The following SF3B3 variants were observed in gnomAD, a reference collection of about 807,000 sequenced individuals.
SF3B3 encodes the protein SAP 130.
Under a neutral mutation model 139.2 loss-of-function variants are expected in SF3B3, and 33 were observed. That is an observed-to-expected ratio of 0.24 (90% CI 0.18 to 0.32). SF3B3 has a LOEUF of 0.32. SF3B3 is among the 10% of genes least tolerant of loss of function. The pLI, the probability that SF3B3 is intolerant of heterozygous loss-of-function variation, is 1.00. For missense variants in SF3B3, 818 were observed against 1,509.4 expected (o/e 0.54, Z 7.59); for synonymous variants, 596 against 563.6 (o/e 1.06, Z -0.81).
intron 4 of SF3B3, 77 bp from the exon 5 acceptor site, chr16:70,532,402 A>AAATTGGAG: frequency 8.5e-7 from 1 of 1,182,344 alleles, no homozygotes; most frequent in Admixed American, 2.2e-5. Context: ...CCTCATTTGT[A>AAATTGGAG]AATTGGAGTC....
chr16:70,561,657 T>C lies in SF3B3; in HGVS notation c.2161T>C (p.Leu721=), dbSNP rs769827257. 86 of 1,613,932 alleles carry C rather than the reference T, an allele frequency of 5.3e-5. No homozygotes were observed. The highest frequency in any genetic ancestry group is 7.1e-5 in the Non-Finnish European group (84 of 1,179,948). ...ATTGGCCATGTCAAGCCGCTCATGGTTGAGCTATTCTTACCAATCTCGCTT... is the reference window on the plus strand; with the variant it reads ...ATTGGCCATGTCAAGCCGCTCATGGCTGAGCTATTCTTACCAATCTCGCTT... The part of the protein sequence containing the change: ...AVLAMSSRSW[L]SYSYQSRFHL... Residue 721 remains leucine (L), a synonymous_variant, in exon 17 of 26, where the codon TTG becomes CTG. Coordinates refer to ENST00000302516, the MANE Select transcript of SF3B3 (RefSeq NM_012426.5).
intron 5 of SF3B3, among the ~76,000 whole-genome samples, chr16:70,533,342 A>T (rs1050798646): frequency 5.4e-5 from 8 of 149,498 alleles, no homozygotes; most frequent in African/African-American, 1.2e-4. Context: ...AGTAAATATT[A>T]AAAAAAAAAG....
Position 70,573,883 on chromosome 16 carries a change from T to A in SF3B3, c.*2070T>A, listed in dbSNP as rs984158835. 1.3e-5 allele frequency: 2 copies of A among 152,260 alleles called. No homozygotes were observed. Among genetic ancestry groups the A allele is most frequent in the African/African-American group, 4.8e-5 (2 of 41,468 alleles). The allele number at this position is 152,260 out of a possible 1,614,324, so 9.4% of individuals were successfully genotyped here. ...TGCCTCAGCTTTCCCCTGACCTTAC[T>A]GGCAGAGGTTCTGCAGATGTTTCCT... is the stretch of plus-strand genomic sequence containing the variant. On this transcript the variant is annotated 3_prime_UTR_variant, in exon 26 of 26. Transcript: ENST00000302516.
intron 21 of SF3B3, among the ~76,000 whole-genome samples, chr16:70,567,852 A>T (rs1236487189): frequency 2.0e-5 from 3 of 151,958 alleles, no homozygotes; most frequent in Non-Finnish European, 4.4e-5. Context: ...CGCCTGGCAA[A>T]TTTTTTGTAT....
intron 20 of SF3B3, among the ~76,000 whole-genome samples, chr16:70,566,335 G>A (rs2050476332): frequency 6.6e-6 from 1 of 151,908 alleles, no homozygotes; most frequent in Admixed American, 6.6e-5. Flanking sequence ...GGCCGAGGTG[G>A]GCGGGTCACC....
At chr16:70,548,657 G>A (rs534953859) in intron 11 of SF3B3, 13 of 542,774 alleles carry the variant, frequency 2.4e-5, no homozygotes, top group Non-Finnish European at 4.3e-5. Context: ...ACATAGGTTG[G>A]CTGTTATATT....
At position 70,528,467 on chromosome 16, in the gene SF3B3, T is replaced by A. The variant is rs1329413535; in HGVS notation, c.71-406T>A. On this transcript the variant is annotated intron_variant, in intron 2 of 25. Transcript: ENST00000302516. Reference sequence around the variant, plus strand: ...GGTGTGAGCCACTGTGCGTGGCCTTTTTTTTTTTTTTTTTTTTTTTTAGAG... The same window carrying A: ...GGTGTGAGCCACTGTGCGTGGCCTTATTTTTTTTTTTTTTTTTTTTTAGAG... Among the ~76,000 whole-genome samples, 3 of 35,198 alleles carry A rather than the reference T, an allele frequency of 8.5e-5. No individual in the cohort carries two copies. The East Asian group carries it at 3.1e-3, about 36-fold the overall frequency. The allele number at this position is 35,198 out of a possible 152,430, so 23.1% of individuals were successfully genotyped here.
Position 70,529,201 on chromosome 16 carries a change from T to TA in SF3B3, c.397+4dup, listed in dbSNP as rs758017772. The stretch of plus-strand genomic sequence containing the variant: ...CCAAAGGGCGAGCCGTTATGATTAG[T>TA]AAGTGATTTACTCTACTTGCTGTAT... On this transcript the variant is annotated splice_region_variant and intron_variant, in intron 3 of 25. Transcript: ENST00000302516. 1 of 1,609,462 alleles carries TA rather than the reference T, an allele frequency of 6.2e-7. No individual in the cohort carries two copies. Among genetic ancestry groups the TA allele is most frequent in the East Asian group, 2.2e-5 (1 of 44,844 alleles).
chr16:70,533,803 C>T (rs1320379783), intron 5 of SF3B3, among the ~76,000 whole-genome samples: 1 of 151,988 alleles, frequency 6.6e-6, no homozygotes, highest in African/African-American at 2.4e-5. Context: ...ACAGCACTTA[C>T]CTTTGTTAAT....
chr16:70,571,805 G>A lies in SF3B3; in HGVS notation c.3646G>A (p.Ala1216Thr), dbSNP rs769036151. Reference protein sequence around the residue: ...KKLEDIRTRYAF With the variant: ...KKLEDIRTRYTF ...ACTCGAGGATATCCGGACCCGCTAC[G>A]CCTTCTGAGCCCTCCTTTCCCGGTG... The change falls in exon 26 of 26, where the codon GCC (alanine) becomes ACC (threonine). Residue 1216 changes from alanine (A) to threonine (T), a missense_variant. Transcript: ENST00000302516. The A allele has an allele frequency of 6.2e-7, 1 of 1,611,654 alleles. No homozygotes were observed.
intron 1 of SF3B3, 34 bp from the exon 2 acceptor site, chr16:70,526,553 C>T (rs1597702868): frequency 2.7e-6 from 2 of 737,862 alleles, no homozygotes; most frequent in East Asian, 5.2e-5. Flanking sequence ...AAGTAATAGT[C>T]TCCCAGCTAT....
At chr16:70,562,058 GGGTATTGCCATT>G (rs2050433905) in intron 17 of SF3B3, among the ~76,000 whole-genome samples, 1 of 152,166 alleles carries the variant, frequency 6.6e-6, no homozygotes, top group Non-Finnish European at 1.5e-5. Context: ...TCTAGCAAAA[GGGTATTGCCATT>G]GGATTAGTTT....
chr16:70,530,765 T>C lies in SF3B3; in HGVS notation c.418T>C (p.Leu140=), dbSNP rs2050113988. The change falls in exon 4 of 26, where the codon TTG becomes CTG. Residue 140 remains leucine, a synonymous_variant. Coordinates refer to ENST00000302516, the MANE Select transcript of SF3B3 (RefSeq NM_012426.5). Reference sequence around the variant, plus strand: ...TACAGGTGCCATTGAGAAACAGAAATTGGTGTATATTTTGAACAGAGATGC... The same window carrying C: ...TACAGGTGCCATTGAGAAACAGAAACTGGTGTATATTTTGAACAGAGATGC... ...VMISAIEKQK[L]VYILNRDAAA... is the part of the protein sequence containing the mutation. The C allele has an allele frequency of 6.2e-7, 1 of 1,611,348 alleles. No homozygotes were observed. Among genetic ancestry groups the C allele is most frequent in the African/African-American group, 1.3e-5 (1 of 74,772 alleles).
In SF3B3 at chr16:70,555,500, A is replaced by G. The variant is rs4430733; in HGVS notation, c.1710+294A>G. On this transcript the variant is annotated intron_variant, in intron 13 of 25. Transcript: ENST00000302516. ...CTCAAAAAAAAAAAAAAAAAAAAAA[A>G]GCGAGCTGGAGTGACAGTGTTCACA... Among the ~76,000 whole-genome samples the G allele has an allele frequency of 0.37, 52,528 of 140,950 alleles. 10,573 individuals carry two copies. Among genetic ancestry groups the G allele is most frequent in the South Asian group, 0.64 (2,839 of 4,432 alleles). 92.5% of individuals were successfully genotyped at this position (140,950 alleles called of 152,430 possible).
In SF3B3 at chr16:70,573,660, T is replaced by C. The variant is rs765945968; in HGVS notation, c.*1847T>C. The C allele has an allele frequency of 6.6e-6, 1 of 152,188 alleles. No individual in the cohort carries two copies. Among genetic ancestry groups the C allele is most frequent in the Non-Finnish European group, 1.5e-5 (1 of 68,040 alleles). The allele number at this position is 152,188 out of a possible 1,614,324, so 9.4% of individuals were successfully genotyped here. On this transcript the variant is annotated 3_prime_UTR_variant, in exon 26 of 26. Coordinates refer to ENST00000302516, the MANE Select transcript of SF3B3 (RefSeq NM_012426.5). ...GACTCAATGACAAGTCCCATCTGTG[T>C]AATTGTTAAGGGGACCTGATTGACT...
At position 70,575,196 on chromosome 16, in the gene SF3B3, C is replaced by CTTTTTTTTTTTTTTTTTTTTTTTTT. The variant is rs897314035; in HGVS notation, c.*3403_*3404insTTTTTTTTTTTTTTTTTTTTTTTTT. The stretch of plus-strand genomic sequence containing the variant: ...TTTTCTTTTTCTTTTTCTTTTTTTT[C>CTTTTTTTTTTTTTTTTTTTTTTTTT]TTTTTTTTTTTTTTTTTTTTGAGAT... On this transcript the variant is annotated 3_prime_UTR_variant, in exon 26 of 26. Transcript: ENST00000302516. The CTTTTTTTTTTTTTTTTTTTTTTTTT allele has an allele frequency of 2.7e-5, 3 of 110,008 alleles. No individual in the cohort carries two copies. Among genetic ancestry groups the CTTTTTTTTTTTTTTTTTTTTTTTTT allele is most frequent in the Non-Finnish European group, 3.7e-5 (2 of 54,750 alleles). The allele number at this position is 110,008 out of a possible 1,614,324, so 6.8% of individuals were successfully genotyped here. A position where few individuals can be genotyped will look rare whatever the true frequency, so the allele number is the denominator to read the frequency against.
intron 15 of SF3B3, among the ~76,000 whole-genome samples, chr16:70,558,692 G>C (rs2050400694): frequency 6.6e-6 from 1 of 152,170 alleles, no homozygotes; most frequent in East Asian, 1.9e-4. Flanking sequence ...TGCCTCCTGG[G>C]TTCAAGCGAT....
At chr16:70,525,706 G>A (rs1311252479) in intron 1 of SF3B3, among the ~76,000 whole-genome samples, 1 of 151,886 alleles carries the variant, frequency 6.6e-6, no homozygotes, top group Non-Finnish European at 1.5e-5. Flanking sequence ...GTGGCTCAAC[G>A]CCTGTAATCC....
At chr16:70,570,333 GT>G (rs71151192) in intron 24 of SF3B3, among the ~76,000 whole-genome samples, 184 bp downstream of exon 24, 71 of 121,794 alleles carry the variant, frequency 5.8e-4, no homozygotes, top group African/African-American at 7.7e-4. Flanking sequence ...AGGCCATTTG[GT>G]TTTTTTTTTT....
Sources: allele counts gnomAD v4.1 joint callset (sites outside exome capture counted in the v4.1 genomes callset), GRCh38; gene constraint gnomAD v4.1.1; transcripts MANE v1.5; gene names NCBI Gene and HGNC (gene_info 2026-07-23, HGNC 2026-07-21).